ZNF236: variants seen among roughly 807,000 people sequenced by gnomAD.
The protein encoded by ZNF236 is regulated by glucose.
In ZNF236, 50 loss-of-function variants were observed where a neutral mutation model predicts 191.2. The ratio of observed to expected loss-of-function variants is 0.26; its 90% CI spans 0.21 to 0.33. The LOEUF (loss-of-function observed/expected upper bound fraction) is 0.33, where lower values mean the gene tolerates loss of function less well. Ranked by LOEUF, ZNF236 falls within the 10% of genes least tolerant of loss-of-function variation. The pLI is 1.00. For missense variants in ZNF236, 1,754 were observed against 2,374.5 expected, an observed-to-expected ratio of 0.74 and a Z score of 5.43; for synonymous variants, 907 against 928.8, an observed-to-expected ratio of 0.98 and a Z score of 0.43.
chr18:76,943,456 A>C (rs1968188213), intron 26 of ZNF236, among the ~76,000 whole-genome samples: 1 of 152,176 alleles, frequency 6.6e-6, no homozygotes, highest in Non-Finnish European at 1.5e-5. Context: ...AGAAAGCAAA[A>C]TGATTTTTAG....
rs1389880263 is a variant in ZNF236, at chr18:76,950,881, G to T, written c.4914+3229G>T. The stretch of plus-strand genomic sequence containing the variant: ...AAGTTGAAATTACTCCTTCATCCAT[G>T]GGCTACAGTGTGGATGTCATGTTAG... On this transcript the variant is annotated intron_variant, in intron 27 of 30. Transcript: ENST00000320610. Among the ~76,000 whole-genome samples, 4 of 152,288 alleles carry T rather than the reference G, an allele frequency of 2.6e-5. No homozygotes were observed. The East Asian group carries it at 7.7e-4, about 29-fold the overall frequency.
chr18:76,868,093 T>G (rs1976465593), intron 3 of ZNF236, among the ~76,000 whole-genome samples: 1 of 152,206 alleles, frequency 6.6e-6, no homozygotes, highest in Admixed American at 6.5e-5. Flanking sequence ...GTATTTTTGC[T>G]CGGAGTCTTT....
intron 4 of ZNF236, among the ~76,000 whole-genome samples, chr18:76,870,320 T>TA (rs1976544155): frequency 1.3e-5 from 2 of 152,236 alleles, no homozygotes; most frequent in African/African-American, 4.8e-5. Flanking sequence ...CAGTGATTTT[T>TA]AAACCCCCAA....
intron 26 of ZNF236, among the ~76,000 whole-genome samples, chr18:76,942,920 C>T (rs575313606): frequency 6.7e-6 from 1 of 148,910 alleles, no homozygotes; most frequent in Non-Finnish European, 1.5e-5. Context: ...TCAGGAGATC[C>T]AGACCATCCT....
intron 1 of ZNF236, among the ~76,000 whole-genome samples, chr18:76,832,723 T>A (rs1975209117): frequency 6.6e-6 from 1 of 152,136 alleles, no homozygotes; most frequent in South Asian, 2.1e-4. Context: ...ACTTTTCAAT[T>A]TCATGTAGAT....
chr18:76,936,244 C>G, intron 25 of ZNF236: 1 of 446,388 alleles, frequency 2.2e-6, no homozygotes, highest in South Asian at 1.6e-5. Flanking sequence ...GGCACAGTGG[C>G]TGGCACAAGT....
chr18:76,836,166 A>G (rs1241220194), intron 1 of ZNF236, among the ~76,000 whole-genome samples: 1 of 152,156 alleles, frequency 6.6e-6, no homozygotes, highest in Non-Finnish European at 1.5e-5. Flanking sequence ...TCGGCCTCCC[A>G]AAGTGCTGAA....
intron 3 of ZNF236, among the ~76,000 whole-genome samples, chr18:76,867,411 C>A (rs1375245832): frequency 1.3e-5 from 2 of 151,944 alleles, no homozygotes; most frequent in Admixed American, 1.3e-4. Flanking sequence ...AAACATTTCA[C>A]TTTTCTTTGT....
rs1040620322 is a variant in ZNF236, at chr18:76,957,067, G to A, written c.5112+885G>A. On this transcript the variant is annotated intron_variant, in intron 28 of 30. Transcript: ENST00000320610. ...TTCTGACCAGCCATGGCCAGGCCAC[G>A]CAGAGGGCAGAGGCGTGCCACGCTG... Among the ~76,000 whole-genome samples, 5 of 152,322 alleles carry A rather than the reference G, an allele frequency of 3.3e-5. No individual in the cohort carries two copies. In the South Asian group the frequency reaches 8.3e-4, roughly 25 times the overall value.
chr18:76,967,408 G>T (rs1968802977), intron 30 of ZNF236, among the ~76,000 whole-genome samples: 1 of 151,452 alleles, frequency 6.6e-6, no homozygotes. Flanking sequence ...TGTTGGAGGT[G>T]GTGTGATCTG....
intron 11 of ZNF236, 70 bp downstream of exon 11, chr18:76,899,292 TAC>T (rs1270761867): frequency 7.5e-7 from 1 of 1,333,946 alleles, no homozygotes; most frequent in East Asian, 2.4e-5. Context: ...GTGAATTGTG[TAC>T]ACACATTATG....
At chr18:76,863,536 C>T (rs1014396644) in intron 3 of ZNF236, among the ~76,000 whole-genome samples, 3 of 151,618 alleles carry the variant, frequency 2.0e-5, no homozygotes, top group African/African-American at 4.8e-5. Flanking sequence ...GAAAATAGCA[C>T]AAAAATTTTC....
intron 25 of ZNF236, among the ~76,000 whole-genome samples, chr18:76,928,501 T>C (rs1431854746): frequency 6.6e-6 from 1 of 152,226 alleles, no homozygotes; most frequent in African/African-American, 2.4e-5. Flanking sequence ...CTCTTTACCG[T>C]ATGTCTTCAG....
intron 29 of ZNF236, 143 bp downstream of exon 29, chr18:76,959,959 G>A (rs1968621300): frequency 7.6e-6 from 8 of 1,057,710 alleles, no homozygotes; most frequent in Non-Finnish European, 1.1e-5. Context: ...CATTTCTCCT[G>A]AGTTTTGACC....
chr18:76,899,944 C>G (rs112317818), intron 11 of ZNF236, among the ~76,000 whole-genome samples: 33 of 152,276 alleles, frequency 2.2e-4, no homozygotes, highest in African/African-American at 7.9e-4. Context: ...AGTGAGGTCT[C>G]TCTTCCTCAT....
At chr18:76,855,747 T>G (rs943748270) in intron 3 of ZNF236, among the ~76,000 whole-genome samples, 2 of 150,752 alleles carry the variant, frequency 1.3e-5, no homozygotes, top group African/African-American at 4.9e-5. Context: ...ATCACTGTTG[T>G]GGGGCTGGGC....
chr18:76,854,022 A>T (rs1975964448), intron 3 of ZNF236, among the ~76,000 whole-genome samples: 1 of 151,830 alleles, frequency 6.6e-6, no homozygotes, highest in Admixed American at 6.6e-5. Context: ...AAAAAAAAAA[A>T]AGAAAAGAAA....
chr18:76,879,052 C>T (rs1227621046), intron 7 of ZNF236, among the ~76,000 whole-genome samples: 1 of 152,164 alleles, frequency 6.6e-6, no homozygotes, highest in Non-Finnish European at 1.5e-5. Context: ...ATTATGTCTT[C>T]AAAATTCTAT....
At chr18:76,857,735 C>T (rs1976086670) in intron 3 of ZNF236, among the ~76,000 whole-genome samples, 1 of 152,150 alleles carries the variant, frequency 6.6e-6, no homozygotes, top group Non-Finnish European at 1.5e-5. Context: ...TCTGCTGTGT[C>T]TCTCTTTGTA....
Sources: gnomAD v4.1 joint callset for allele counts (sites outside exome capture counted in the v4.1 genomes callset) on GRCh38, gnomAD v4.1.1 for gene constraint, MANE v1.5 for transcripts, NCBI Gene and HGNC (gene_info 2026-07-23, HGNC 2026-07-21) for gene names.